The following ATM variants were observed in gnomAD, a reference collection of about 807,000 sequenced individuals.
ATM encodes the protein serine-protein kinase ATM.
Under a neutral mutation model 387.0 loss-of-function variants are expected in ATM, and 308 were observed. The ratio of observed to expected loss-of-function variants is 0.80; its 90% CI spans 0.73 to 0.87. The LOEUF is 0.87. Ranked by LOEUF, ATM falls within the 40% of genes least tolerant of loss-of-function variation. ATM has a pLI of 0.00. For missense variants in ATM, 3,312 were observed against 3,560.9 expected (o/e 0.93, Z 1.78); for synonymous variants, 1,156 against 1,187.3 (o/e 0.97, Z 0.54).
chr11:108,245,821 C>CTT (rs369306448), intron 7 of ATM, among the ~76,000 whole-genome samples: 66 of 129,828 alleles, frequency 5.1e-4, no homozygotes, highest in Non-Finnish European at 6.3e-4. Context: ...CTTGTAGCCA[C>CTT]TTTTTTTTTT....
rs199888434 is a variant in ATM, at chr11:108,297,354, A to T, written c.4977A>T (p.Ile1659=). 1.9e-6 allele frequency: 3 copies of T among 1,614,084 alleles called. No individual in the cohort carries two copies. In the South Asian group the frequency reaches 3.3e-5, roughly 18 times the overall value. Reference sequence around the variant, plus strand: ...TGTTGCAGTTATCCAAGATGGCAATAAACCACACTGGTGAAAAAGAAGTTC... The same window carrying T: ...TGTTGCAGTTATCCAAGATGGCAATTAACCACACTGGTGAAAAAGAAGTTC... ...VNLLQLSKMA[I]NHTGEKEVLE... Residue 1659 remains isoleucine, a synonymous_variant, in exon 33 of 63, where the codon ATA becomes ATT. Transcript: ENST00000675843.
At chr11:108,325,677 G>T (rs2085606450) in intron 46 of ATM, 133 bp downstream of exon 46, 2 of 833,664 alleles carry the variant, frequency 2.4e-6, no homozygotes, top group Non-Finnish European at 3.6e-6. Context: ...AAAAATAATT[G>T]TTTAAGAGTT....
At chr11:108,286,059 C>T (rs748028646) in intron 26 of ATM, among the ~76,000 whole-genome samples, 5 of 151,966 alleles carry the variant, frequency 3.3e-5, no homozygotes, top group South Asian at 2.1e-4. Flanking sequence ...TGGCCGGGTG[C>T]GGTGGCTAAC....
intron 29 of ATM, 39 bp from the exon 30 acceptor site, chr11:108,292,580 C>T (rs2135795814): frequency 6.2e-7 from 1 of 1,601,314 alleles, no homozygotes. Flanking sequence ...TTTTCCAGAA[C>T]TTACTGGTTG....
Position 108,286,069 on chromosome 11 carries a change from C to T in ATM, c.3994-1531C>T, listed in dbSNP as rs553214928. On this transcript the variant is annotated intron_variant, in intron 26 of 62. Transcript: ENST00000675843. ...ATTCTTGGCCGGGTGCGGTGGCTAA[C>T]GCCTGTAATCCCAGCACTTTGGGAG... Among the ~76,000 whole-genome samples the T allele has an allele frequency of 3.3e-5, 5 of 152,172 alleles. No homozygotes were observed. In the East Asian group the frequency reaches 5.8e-4, roughly 18 times the overall value.
chr11:108,227,524 TCACACC>T, intron 1 of ATM, 65 bp from the exon 2 acceptor site: 2 of 968,814 alleles, frequency 2.1e-6, no homozygotes, highest in South Asian at 1.4e-5. Context: ...ACACATTTTT[TCACACC>T]TCTTTCTCTC....
intron 4 of ATM, among the ~76,000 whole-genome samples, chr11:108,233,186 T>C (rs948015354): frequency 4.6e-5 from 7 of 152,192 alleles, no homozygotes. Context: ...TGTTAGCATT[T>C]GTCTGCTTTT....
intron 44 of ATM, 138 bp from the exon 45 acceptor site, chr11:108,321,163 G>C: frequency 8.8e-7 from 1 of 1,130,850 alleles, no homozygotes; most frequent in East Asian, 2.6e-5. Flanking sequence ...CTGCTATTTT[G>C]TATTCACTGT....
rs2079215232 is a variant in ATM, at chr11:108,235,381, T to G, written c.332-289T>G. ...AAACTTACTGTGTAAAGAGGCCAGA[T>G]AGTAAATGTTCTTGACTTTATAGGC... is the stretch of plus-strand genomic sequence containing the variant. On this transcript the variant is annotated intron_variant, in intron 4 of 62. Transcript: ENST00000675843. Among the ~76,000 whole-genome samples the G allele has an allele frequency of 2.6e-5, 4 of 152,044 alleles. No homozygotes were observed. In the South Asian group the frequency reaches 8.3e-4, roughly 31 times the overall value.
At chr11:108,357,414 C>T (rs546747875) in intron 61 of ATM, among the ~76,000 whole-genome samples, 59 of 152,312 alleles carry the variant, frequency 3.9e-4, no homozygotes, top group African/African-American at 1.2e-3. Flanking sequence ...ACAAAGCAGC[C>T]GGGAAGCTCG....
intron 3 of ATM, 55 bp from the exon 4 acceptor site, chr11:108,229,120 AATT>A: frequency 5.2e-6 from 8 of 1,543,670 alleles, no homozygotes; most frequent in Non-Finnish European, 6.2e-6. Context: ...CAGCTTTTGA[AATT>A]ATTATAATTT....
At chr11:108,298,207 T>A (rs2083226861) in intron 33 of ATM, among the ~76,000 whole-genome samples, 1 of 152,216 alleles carries the variant, frequency 6.6e-6, no homozygotes, top group Non-Finnish European at 1.5e-5. Context: ...TAAAGTCAGC[T>A]TGAAGCTCTC....
At chr11:108,291,212 G>A (rs547032942) in intron 29 of ATM, among the ~76,000 whole-genome samples, 2 of 152,024 alleles carry the variant, frequency 1.3e-5, no homozygotes, top group East Asian at 3.9e-4. Flanking sequence ...CTCCAGCCTG[G>A]GCGACAGAGC....
chr11:108,319,879 T>C, intron 43 of ATM, 75 bp from the exon 44 acceptor site: 1 of 1,045,182 alleles, frequency 9.6e-7, no homozygotes, highest in Non-Finnish European at 1.5e-6. Flanking sequence ...TTTTGTCCTT[T>C]GGTGAAGCTA....
intron 47 of ATM, 51 bp from the exon 48 acceptor site, chr11:108,327,594 G>C (rs2085800355): frequency 7.0e-7 from 1 of 1,434,674 alleles, no homozygotes; most frequent in Non-Finnish European, 9.8e-7. Context: ...GGGCAGTTGG[G>C]TACAGTCATG....
At chr11:108,262,550 T>G (rs1379831006) in intron 16 of ATM, among the ~76,000 whole-genome samples, 1 of 152,230 alleles carries the variant, frequency 6.6e-6, no homozygotes, top group South Asian at 2.1e-4. Flanking sequence ...TAAAGACCAT[T>G]GAGACTAGGA....
intron 30 of ATM, among the ~76,000 whole-genome samples, 199 bp from the exon 31 acceptor site, chr11:108,293,114 A>C (rs757055731): frequency 6.6e-6 from 1 of 152,264 alleles, no homozygotes; most frequent in Non-Finnish European, 1.5e-5. Context: ...TAACCTCAGT[A>C]CCCATCTTGT....
chr11:108,287,604 A>T lies in ATM; in HGVS notation c.3998A>T (p.Asp1333Val), dbSNP rs746709782. The change falls in exon 27 of 63, where the codon GAT becomes GTT. Residue 1333 changes from aspartate to valine, a missense_variant. Physicochemically the swap from Asp to Val is radical, Grantham distance 152 (BLOSUM62 -3). This residue lies in a region of ATM where 1,791 missense variants were observed against 1,804.5 expected (regional missense o/e 0.99). Coordinates refer to ENST00000675843, the MANE Select transcript of ATM (RefSeq NM_000051.4). ...TTTAATTTTGTGCCCTTGCAGATTG[A>T]TCACTTATTCATTAGTAATTTACCA... is the stretch of plus-strand genomic sequence containing the variant. ...KSENLLGKQI[D>V]HLFISNLPEI... The T allele has an allele frequency of 6.9e-6, 11 of 1,605,414 alleles. No homozygotes were observed. The African/African-American group carries it at 1.5e-4, about 21-fold the overall frequency.
intron 31 of ATM, among the ~76,000 whole-genome samples, chr11:108,294,452 G>C (rs1188151605): frequency 6.6e-6 from 1 of 151,992 alleles, no homozygotes; most frequent in Non-Finnish European, 1.5e-5. Context: ...AGAATTTAAA[G>C]GATTAGGCTG....
Sources: allele counts gnomAD v4.1 joint callset (sites outside exome capture counted in the v4.1 genomes callset), GRCh38; gene constraint gnomAD v4.1.1; regional missense constraint gnomAD v4.1.1; transcripts MANE v1.5; gene names NCBI Gene and HGNC (gene_info 2026-07-23, HGNC 2026-07-21).